The following PKIB variants were observed in gnomAD, a reference collection of about 807,000 sequenced individuals.
PKIB encodes the protein PKI-beta.
A neutral mutation model predicts 4.5 loss-of-function variants in PKIB; 2 were observed. That is an observed-to-expected ratio of 0.44 (90% confidence interval 0.18 to 1.39). The LOEUF is 1.39. PKIB is among the 40% of genes most tolerant of loss of function. The probability of loss-of-function intolerance (pLI) is 0.27; values close to 1 mark genes in which losing one functional copy is unlikely to be tolerated. For synonymous variants in PKIB, 38 were observed against 36.0 expected (o/e 1.06, Z -0.20); for missense variants, 94 against 92.6 (o/e 1.02, Z -0.06).
At chr6:122,565,017 G>C (rs1416814015) in intron 2 of PKIB, among the ~76,000 whole-genome samples, 2 of 152,074 alleles carry the variant, frequency 1.3e-5, no homozygotes, top group East Asian at 3.9e-4. Flanking sequence ...TGTGATTTCT[G>C]TTTCTTAGTA....
chr6:122,655,934 A>C (rs531586277), intron 2 of PKIB, among the ~76,000 whole-genome samples: 31 of 152,282 alleles, frequency 2.0e-4, no homozygotes, highest in Non-Finnish European at 4.1e-4. Context: ...TGAAACAAAA[A>C]CTTAAAAAGG....
chr6:122,484,233 A>G (rs1431574083), intron 2 of PKIB: 4 of 152,240 alleles, frequency 2.6e-5, no homozygotes, highest in Non-Finnish European at 5.9e-5. Flanking sequence ...ATACTTTTAA[A>G]TACTATTCTA....
At chr6:122,607,300 C>G (rs1205824929), upstream of PKIB, among the ~76,000 whole-genome samples, 1 of 151,814 alleles carries the variant, frequency 6.6e-6, no homozygotes, top group African/African-American at 2.4e-5. Context: ...ATAGCAAAAC[C>G]CCGTCTCTAC....
rs34754113 is a variant in PKIB at position 122,572,653 on chromosome 6, C to CAA, written c.-247-13258_-247-13257dup. ...AGAGCAGAACTAAATGAAATTGAAA[C>CAA]AAAAAAAAAAACGATAAATGAAACA... On this transcript the variant is annotated intron_variant, in intron 2 of 6. Coordinates refer to the PKIB transcript ENST00000392491. Among the ~76,000 whole-genome samples the CAA allele has an allele frequency of 3.1e-3, 388 of 125,890 alleles. 2 individuals are homozygous for CAA. The highest frequency in any genetic ancestry group is 7.1e-3 in the African/African-American group (237 of 33,162). The allele number at this position is 125,890 out of a possible 152,430, so 82.6% of individuals were successfully genotyped here. A position where few individuals can be genotyped will look rare whatever the true frequency, so the allele number is the denominator to read the frequency against.
At chr6:122,586,997 A>C (rs1430403028) in intron 3 of PKIB, among the ~76,000 whole-genome samples, 1 of 152,134 alleles carries the variant, frequency 6.6e-6, no homozygotes. Flanking sequence ...CAGCCTCTTT[A>C]TTAAATAAAA....
chr6:122,516,390 G>A (rs1217432650), intron 2 of PKIB, among the ~76,000 whole-genome samples: 3 of 152,164 alleles, frequency 2.0e-5, no homozygotes, highest in South Asian at 2.1e-4. Flanking sequence ...AGTTCCCTGC[G>A]CCTCTTGCAT....
intron 2 of PKIB, among the ~76,000 whole-genome samples, chr6:122,540,629 G>T (rs1262571882): frequency 2.6e-5 from 4 of 151,870 alleles, no homozygotes; most frequent in African/African-American, 9.7e-5. Context: ...AATAGGTGTG[G>T]TGTGGTGCTG....
At chr6:122,627,956 A>G (rs1330603470) in intron 1 of PKIB, among the ~76,000 whole-genome samples, 2 of 152,176 alleles carry the variant, frequency 1.3e-5, no homozygotes, top group Non-Finnish European at 2.9e-5. Flanking sequence ...TACAGAAAAC[A>G]TTCATATTTT....
At chr6:122,563,582 C>T (rs1358642938) in intron 2 of PKIB, among the ~76,000 whole-genome samples, 5 of 151,896 alleles carry the variant, frequency 3.3e-5, no homozygotes, top group South Asian at 2.1e-4. Context: ...GAACATCAGG[C>T]GGGGGCAGGA....
intron 2 of PKIB, among the ~76,000 whole-genome samples, chr6:122,533,389 C>G (rs919594183): frequency 6.6e-6 from 1 of 152,104 alleles, no homozygotes; most frequent in Admixed American, 6.6e-5. Context: ...AGGCTTGTGT[C>G]AAACTCCTGG....
chr6:122,589,010 G>A (rs1428941357), intron 3 of PKIB, among the ~76,000 whole-genome samples: 1 of 152,082 alleles, frequency 6.6e-6, no homozygotes, highest in African/African-American at 2.4e-5. Context: ...GATTGAAGAG[G>A]TTGTTATTTT....
At chr6:122,636,015 T>C (rs1332275409) in intron 2 of PKIB, among the ~76,000 whole-genome samples, 27 of 152,146 alleles carry the variant, frequency 1.8e-4, no homozygotes, top group Admixed American at 1.8e-3. Flanking sequence ...TTTTCTTATA[T>C]ATGCTAGGAA....
chr6:122,595,863 C>T (rs371940415), intron 3 of PKIB, among the ~76,000 whole-genome samples: 12 of 152,284 alleles, frequency 7.9e-5, no homozygotes, highest in African/African-American at 2.4e-4. Flanking sequence ...TCCACAGAAC[C>T]GGTTATCCTA....
chr6:122,580,918 G>A (rs1392357414), intron 2 of PKIB, among the ~76,000 whole-genome samples: 1 of 152,098 alleles, frequency 6.6e-6, no homozygotes, highest in Non-Finnish European at 1.5e-5. Flanking sequence ...AGTCATAGTT[G>A]ATGGGGAAAC....
chr6:122,683,945 G>A (rs144835469), intron 3 of PKIB, among the ~76,000 whole-genome samples: 2,485 of 152,264 alleles, frequency 0.016, 30 homozygotes, highest in Non-Finnish European at 0.024. Context: ...ATTCACAGCA[G>A]TCAAAATGTG....
chr6:122,714,389 C>T (rs998977411), intron 3 of PKIB, among the ~76,000 whole-genome samples: 33 of 152,090 alleles, frequency 2.2e-4, no homozygotes, highest in Admixed American at 5.2e-4. Flanking sequence ...CTTCTGTTTT[C>T]GATCTTAAAA....
intron 2 of PKIB, among the ~76,000 whole-genome samples, chr6:122,574,144 A>C (rs1467851320): frequency 6.6e-6 from 1 of 152,218 alleles, no homozygotes; most frequent in African/African-American, 2.4e-5. Flanking sequence ...TGAGAATCAA[A>C]TCAAGAACTC....
chr6:122,614,662 A>G (rs150422756), intron 1 of PKIB, among the ~76,000 whole-genome samples: 115 of 152,304 alleles, frequency 7.6e-4, no homozygotes, highest in African/African-American at 2.6e-3. Flanking sequence ...CTTCTCAAGC[A>G]TGCTTATATT....
chr6:122,647,681 A>G (rs550140825), intron 2 of PKIB, among the ~76,000 whole-genome samples: 2 of 152,338 alleles, frequency 1.3e-5, no homozygotes, highest in African/African-American at 4.8e-5. Flanking sequence ...AATAATGACA[A>G]AAGAGGAAAG....
Sources: gnomAD v4.1 joint callset for allele counts (sites outside exome capture counted in the v4.1 genomes callset) on GRCh38, gnomAD v4.1.1 for gene constraint, MANE v1.5 for transcripts, NCBI Gene and HGNC (gene_info 2026-07-23, HGNC 2026-07-21) for gene names.